PPP4R3A: variants seen among roughly 807,000 people sequenced by gnomAD.
PPP4R3A encodes serine/threonine-protein phosphatase 4 regulatory subunit 3A.
Under a neutral mutation model 91.7 loss-of-function variants are expected in PPP4R3A, and 15 were observed. The ratio of observed to expected loss-of-function variants is 0.16; its 90% CI spans 0.11 to 0.25. The LOEUF (loss-of-function observed/expected upper bound fraction) is 0.25. Ranked by LOEUF, PPP4R3A falls within the 10% of genes least tolerant of loss-of-function variation. The pLI is 1.00. For synonymous variants in PPP4R3A, 377 were observed against 348.7 expected (o/e 1.08, Z -0.91); for missense variants, 623 against 998.4 (o/e 0.62, Z 5.07).
chr14:91,503,664 A>G (rs1473812322), intron 1 of PPP4R3A, among the ~76,000 whole-genome samples: 1 of 152,196 alleles, frequency 6.6e-6, no homozygotes, highest in Non-Finnish European at 1.5e-5. Flanking sequence ...GCAAACCACC[A>G]TGGCACACAT....
At chr14:91,493,874 G>A (rs945699525) in intron 1 of PPP4R3A, among the ~76,000 whole-genome samples, 1 of 149,596 alleles carries the variant, frequency 6.7e-6, no homozygotes, top group African/African-American at 2.5e-5. Flanking sequence ...CTGGGTTCAA[G>A]TGATTGTCCT....
chr14:91,487,204 C>T (rs968879864), intron 2 of PPP4R3A, among the ~76,000 whole-genome samples: 5 of 130,058 alleles, frequency 3.8e-5, no homozygotes, highest in South Asian at 5.1e-4. Flanking sequence ...GATCCGAGAT[C>T]GTGCCACTGC....
chr14:91,504,634 G>T (rs984691754), intron 1 of PPP4R3A, among the ~76,000 whole-genome samples: 3 of 151,906 alleles, frequency 2.0e-5, no homozygotes, highest in Non-Finnish European at 2.9e-5. Context: ...AAAACAAAAG[G>T]GACGTGTTCT....
chr14:91,498,186 T>G (rs1370834988), intron 1 of PPP4R3A, among the ~76,000 whole-genome samples: 1 of 151,732 alleles, frequency 6.6e-6, no homozygotes, highest in Non-Finnish European at 1.5e-5. Context: ...AATATAAAAA[T>G]TAGCTGGGTG....
chr14:91,477,050 G>GAC, intron 4 of PPP4R3A, 64 bp from the exon 5 acceptor site: 1 of 1,310,980 alleles, frequency 7.6e-7, no homozygotes, highest in Non-Finnish European at 1.1e-6. Context: ...ATAATTTCAG[G>GAC]AATGCTTTAA....
intron 10 of PPP4R3A, among the ~76,000 whole-genome samples, chr14:91,467,078 G>A (rs1054788804): frequency 6.6e-6 from 1 of 152,192 alleles, no homozygotes; most frequent in African/African-American, 2.4e-5. Flanking sequence ...CTTCTATCCA[G>A]AAACTGCTGG....
intron 10 of PPP4R3A, among the ~76,000 whole-genome samples, chr14:91,469,647 C>T (rs540454514): frequency 1.1e-4 from 16 of 152,298 alleles, no homozygotes; most frequent in South Asian, 2.1e-4. Flanking sequence ...CAGCTCACCG[C>T]GATATCTGCC....
Position 91,476,926 on chromosome 14 carries a change from C to T in PPP4R3A, c.976G>A (p.Glu326Lys). ...TTTCTTACCAATTCCTGTCTTTTTTCCTCATCTGTTGCTTCATCTGTTAGT... is the reference window on the plus strand; with the variant it reads ...TTTCTTACCAATTCCTGTCTTTTTTTCTCATCTGTTGCTTCATCTGTTAGT... ...AQLTDEATDE[E>K]KRQELVNFLK... Residue 326 changes from glutamate to lysine, a missense_variant, in exon 5 of 15, where the codon GAA (glutamate) becomes AAA (lysine). This residue lies in a region of PPP4R3A where 264 missense variants were observed against 377.3 expected (regional missense o/e 0.70). Coordinates refer to ENST00000554943, the MANE Select transcript of PPP4R3A (RefSeq NM_001366432.2). 1 of 1,598,088 alleles carries T rather than the reference C, an allele frequency of 6.3e-7. No homozygotes were observed. The highest frequency in any genetic ancestry group is 8.5e-7 in the Non-Finnish European group (1 of 1,171,142).
At position 91,475,801 on chromosome 14, in the gene PPP4R3A, T is replaced by TA. The variant is rs1296603048; in HGVS notation, c.1266+9dup. 1.9e-6 allele frequency: 3 copies of TA among 1,608,584 alleles called. No homozygotes were observed. Among genetic ancestry groups the TA allele is most frequent in the South Asian group, 2.2e-5 (2 of 90,640 alleles). ...TATAAATACTTACTATTAGTACAAA[T>TA]AATATTTACCTTGCTGGTTATTTTT... On this transcript the variant is annotated intron_variant, in intron 7 of 14. Coordinates refer to ENST00000554943, the MANE Select transcript of PPP4R3A (RefSeq NM_001366432.2).
intron 3 of PPP4R3A, among the ~76,000 whole-genome samples, chr14:91,484,984 TAGTC>T (rs1175780943): frequency 2.0e-5 from 3 of 151,948 alleles, no homozygotes; most frequent in Non-Finnish European, 2.9e-5. Flanking sequence ...TAAGGCTGAA[TAGTC>T]AGTCAACAGC....
intron 14 of PPP4R3A, 85 bp from the exon 15 acceptor site, chr14:91,458,954 A>G (rs1235775082): frequency 3.5e-6 from 5 of 1,432,970 alleles, no homozygotes; most frequent in African/African-American, 1.4e-5. Flanking sequence ...AAGAAAATAG[A>G]TCCTACCAAC....
intron 14 of PPP4R3A, among the ~76,000 whole-genome samples, chr14:91,459,720 A>C (rs961978881): frequency 2.0e-5 from 3 of 151,814 alleles, no homozygotes; most frequent in African/African-American, 7.3e-5. Context: ...CTGTAATCCC[A>C]GCTACTTGGG....
intron 13 of PPP4R3A, 77 bp from the exon 14 acceptor site, chr14:91,461,684 C>G: frequency 7.2e-7 from 1 of 1,391,364 alleles, no homozygotes; most frequent in Admixed American, 2.0e-5. Context: ...AACACTAAAA[C>G]ACATTTAACT....
intron 1 of PPP4R3A, among the ~76,000 whole-genome samples, chr14:91,495,817 G>T (rs1031415521): frequency 1.3e-5 from 2 of 152,104 alleles, no homozygotes; most frequent in Non-Finnish European, 2.9e-5. Context: ...TGCTCAGGAG[G>T]CAGAGGTGGG....
intron 4 of PPP4R3A, among the ~76,000 whole-genome samples, chr14:91,479,027 T>G (rs2140107265): frequency 6.6e-6 from 1 of 152,252 alleles, no homozygotes; most frequent in African/African-American, 2.4e-5. Context: ...GATTCTCCTG[T>G]CTCAGCCTCT....
chr14:91,495,302 A>ATGTATGTGTGTG (rs1555437569), intron 1 of PPP4R3A, among the ~76,000 whole-genome samples: 1 of 140,870 alleles, frequency 7.1e-6, no homozygotes, highest in African/African-American at 2.6e-5. Context: ...CAGATACATA[A>ATGTATGTGTGTG]TGTGTGTGTG....
intron 1 of PPP4R3A, among the ~76,000 whole-genome samples, chr14:91,500,845 C>T (rs1322564428): frequency 6.6e-6 from 1 of 152,024 alleles, no homozygotes; most frequent in Non-Finnish European, 1.5e-5. Flanking sequence ...CCAGCCCGGG[C>T]AACATGGCAA....
intron 3 of PPP4R3A, among the ~76,000 whole-genome samples, chr14:91,483,291 T>C (rs1301308536): frequency 6.6e-6 from 1 of 152,194 alleles, no homozygotes; most frequent in Non-Finnish European, 1.5e-5. Context: ...TTGCTTAGCG[T>C]AATGAACAGA....
intron 10 of PPP4R3A, among the ~76,000 whole-genome samples, chr14:91,469,176 TC>T (rs1477129272): frequency 5.4e-5 from 8 of 148,032 alleles, no homozygotes; most frequent in Admixed American, 6.7e-5. Flanking sequence ...TATAAATAAC[TC>T]CCACAAGCTT....
Sources: gnomAD v4.1 joint callset for allele counts (sites outside exome capture counted in the v4.1 genomes callset) on GRCh38, gnomAD v4.1.1 for gene constraint, gnomAD v4.1.1 regional missense constraint, MANE v1.5 for transcripts, NCBI Gene and HGNC (gene_info 2026-07-23, HGNC 2026-07-21) for gene names.